Variants in NMNAT2 observed in about 807,000 individuals in gnomAD.
The protein encoded by NMNAT2 is nicotinamide/nicotinic acid mononucleotide adenylyltransferase 2.
In NMNAT2, 11 loss-of-function variants were observed where a neutral mutation model predicts 41.6. That is an observed-to-expected ratio of 0.26 (90% CI 0.17 to 0.44). NMNAT2 has a LOEUF of 0.44. NMNAT2 is among the 20% of genes least tolerant of loss of function. NMNAT2 has a pLI of 1.00. For synonymous variants in NMNAT2, 148 were observed against 151.2 expected (o/e 0.98, Z 0.16); for missense variants, 288 against 407.7 (o/e 0.71, Z 2.53).
At chr1:183,310,176 G>A (rs527285951) in intron 1 of NMNAT2, among the ~76,000 whole-genome samples, 14 of 152,212 alleles carry the variant, frequency 9.2e-5, no homozygotes, top group East Asian at 5.8e-4. Context: ...GGTCTCAGAC[G>A]GACTCTCCCA....
chr1:183,299,333 G>A (rs954861386), intron 1 of NMNAT2, among the ~76,000 whole-genome samples: 3 of 151,730 alleles, frequency 2.0e-5, no homozygotes, highest in African/African-American at 4.8e-5. Flanking sequence ...CCAAGATGGC[G>A]CCACTGCACT....
At chr1:183,417,217 G>T (rs1338444577) in intron 1 of NMNAT2, among the ~76,000 whole-genome samples, 1 of 151,990 alleles carries the variant, frequency 6.6e-6, no homozygotes, top group Non-Finnish European at 1.5e-5. Context: ...GGCATCTATC[G>T]ATCACCTTTC....
chr1:183,341,737 A>AAACAACAACAAC lies in NMNAT2; in HGVS notation c.86-47945_86-47944insGTTGTTGTTGTT, dbSNP rs1557883698. ...AACAAACAAACACCAAAAAAAAAAA[A>AAACAACAACAAC]AAAAAAAAAACCTGTTTCCTTCACT... On this transcript the variant is annotated intron_variant, in intron 1 of 10. Coordinates refer to ENST00000287713, the MANE Select transcript of NMNAT2 (RefSeq NM_015039.4). 1.5e-5 allele frequency among the ~76,000 whole-genome samples: 2 copies of AAACAACAACAAC among 134,034 alleles called. 1 individual carries two copies. The highest frequency in any genetic ancestry group is 3.1e-5 in the Non-Finnish European group (2 of 65,028). The allele number at this position is 134,034 out of a possible 152,430, so 87.9% of individuals were successfully genotyped here.
chr1:183,344,386 C>T (rs1662881855), intron 1 of NMNAT2, among the ~76,000 whole-genome samples: 1 of 152,212 alleles, frequency 6.6e-6, no homozygotes, highest in Non-Finnish European at 1.5e-5. Flanking sequence ...CCACGTGGCA[C>T]TGCTTCCCGC....
Position 183,252,413 on chromosome 1 carries a change from CAT to C in NMNAT2, c.*226_*227del. On this transcript the variant is annotated 3_prime_UTR_variant, in exon 11 of 11. Transcript: ENST00000287713. The stretch of plus-strand genomic sequence containing the variant: ...ACTGCACTTCCCCCGACTCCCACCC[CAT>C]TCCCTCACCCACCCCCAACCCGGAG... 2.1e-6 allele frequency: 1 copy of C among 473,908 alleles called. No homozygotes were observed. The highest frequency in any genetic ancestry group is 3.3e-5 in the Admixed American group (1 of 29,874). The allele number at this position is 473,908 out of a possible 1,614,324, so 29.4% of individuals were successfully genotyped here.
At chr1:183,380,626 G>A (rs1227783993) in intron 1 of NMNAT2, among the ~76,000 whole-genome samples, 1 of 152,182 alleles carries the variant, frequency 6.6e-6, no homozygotes, top group Admixed American at 6.6e-5. Context: ...CAGAAGGGGT[G>A]CAGCTGTTGG....
intron 1 of NMNAT2, among the ~76,000 whole-genome samples, chr1:183,396,600 A>G (rs777286471): frequency 2.4e-4 from 37 of 152,148 alleles, no homozygotes; most frequent in Non-Finnish European, 5.9e-5. Context: ...AATGCTAGTC[A>G]GGCCACTGCA....
chr1:183,394,533 T>C (rs1176040015), intron 1 of NMNAT2, among the ~76,000 whole-genome samples: 1 of 152,214 alleles, frequency 6.6e-6, no homozygotes, highest in Admixed American at 6.5e-5. Context: ...TCCATTATTT[T>C]CAGTGAAAGG....
intron 1 of NMNAT2, among the ~76,000 whole-genome samples, chr1:183,332,504 G>C (rs1432647101): frequency 1.3e-5 from 2 of 152,228 alleles, no homozygotes; most frequent in Non-Finnish European, 2.9e-5. Flanking sequence ...GAACCAAAGA[G>C]AGGGGGATAA....
At chr1:183,293,136 G>A (rs111648438) in intron 2 of NMNAT2, among the ~76,000 whole-genome samples, 2 of 152,190 alleles carry the variant, frequency 1.3e-5, no homozygotes, top group African/African-American at 4.8e-5. Flanking sequence ...CTGCAGAGAT[G>A]AGACTTAACT....
chr1:183,399,921 T>C (rs1648763449), intron 1 of NMNAT2, among the ~76,000 whole-genome samples: 1 of 152,052 alleles, frequency 6.6e-6, no homozygotes, highest in African/African-American at 2.4e-5. Context: ...CTCAAAATAA[T>C]AAGAGCTATT....
At chr1:183,269,249 C>G (rs1034071369) in intron 8 of NMNAT2, among the ~76,000 whole-genome samples, 1 of 152,152 alleles carries the variant, frequency 6.6e-6, no homozygotes, top group African/African-American at 2.4e-5. Flanking sequence ...GTGGGGAAAA[C>G]TGTTTAAATA....
chr1:183,418,143 G>T, intron 1 of NMNAT2, 40 bp downstream of exon 1: 1 of 1,569,674 alleles, frequency 6.4e-7, no homozygotes, highest in Non-Finnish European at 8.8e-7. Flanking sequence ...GGAAAGGAGA[G>T]GAGCGGAAGC....
At chr1:183,302,925 C>G (rs1004589441) in intron 1 of NMNAT2, among the ~76,000 whole-genome samples, 9 of 152,172 alleles carry the variant, frequency 5.9e-5, no homozygotes, top group Admixed American at 3.9e-4. Context: ...CTCAGTGTGC[C>G]CCGTCCTCTT....
At chr1:183,292,656 A>G in intron 3 of NMNAT2, 134 bp downstream of exon 3, 2 of 773,480 alleles carry the variant, frequency 2.6e-6, no homozygotes, top group Non-Finnish European at 4.4e-6. Context: ...TATTGCCTCC[A>G]CAAGGCTAAT....
At chr1:183,372,020 A>G (rs1663555149) in intron 1 of NMNAT2, among the ~76,000 whole-genome samples, 1 of 152,142 alleles carries the variant, frequency 6.6e-6, no homozygotes, top group Non-Finnish European at 1.5e-5. Context: ...GGCTCAAGTG[A>G]TCCTTCTGTC....
At chr1:183,381,174 T>C (rs1557894929) in intron 1 of NMNAT2, among the ~76,000 whole-genome samples, 1 of 152,130 alleles carries the variant, frequency 6.6e-6, no homozygotes, top group African/African-American at 2.4e-5. Context: ...ATTACATATA[T>C]GACCAGGAGG....
intron 1 of NMNAT2, among the ~76,000 whole-genome samples, chr1:183,387,388 G>T (rs10911325): frequency 6.6e-6 from 1 of 151,850 alleles, no homozygotes; most frequent in Non-Finnish European, 1.5e-5. Flanking sequence ...AGAAAATTAC[G>T]GTAGTTTTGG....
rs67117635 is a variant in NMNAT2, at chr1:183,265,258, C to CTTTT, written c.652-3959_652-3956dup. Among the ~76,000 whole-genome samples the CTTTT allele has an allele frequency of 1.9e-3, 122 of 64,560 alleles. 2 individuals are homozygous for CTTTT. Among genetic ancestry groups the CTTTT allele is most frequent in the African/African-American group, 5.0e-3 (78 of 15,486 alleles). 42.4% of individuals were successfully genotyped at this position (64,560 alleles called of 152,430 possible). ...TAGAAATTCTCTTCTTCTTCTTCTT[C>CTTTT]TTTTTTTTTTTTTTTTTTTTTTTTT... is the stretch of plus-strand genomic sequence containing the variant. On this transcript the variant is annotated intron_variant, in intron 8 of 10. Transcript: ENST00000287713.
Sources: gnomAD v4.1 joint callset for allele counts (sites outside exome capture counted in the v4.1 genomes callset) on GRCh38, gnomAD v4.1.1 for gene constraint, MANE v1.5 for transcripts, NCBI Gene and HGNC (gene_info 2026-07-23, HGNC 2026-07-21) for gene names.